The following SH2D3A variants were observed in gnomAD, a reference collection of about 807,000 sequenced individuals.
SH2D3A encodes the protein SH2 domain-containing protein 3A.
In SH2D3A, 46 loss-of-function variants were observed where a neutral mutation model predicts 50.6. That is an observed-to-expected ratio of 0.91 (90% CI 0.72 to 1.16). The LOEUF is 1.16. SH2D3A is among the 50% of genes most tolerant of loss of function. The pLI is 0.00. For synonymous variants in SH2D3A, 377 were observed against 348.4 expected (o/e 1.08, Z -0.91); for missense variants, 783 against 786.2 (o/e 1.00, Z 0.05).
chr19:6,765,067 G>T (rs1260585683), intron 1 of SH2D3A, among the ~76,000 whole-genome samples: 1 of 151,692 alleles, frequency 6.6e-6, no homozygotes, highest in African/African-American at 2.4e-5. Context: ...TTTTAATAGA[G>T]ATGGGGTTTC....
chr19:6,753,848 G>T (rs1426388083), intron 8 of SH2D3A, among the ~76,000 whole-genome samples: 1 of 152,136 alleles, frequency 6.6e-6, no homozygotes, highest in Non-Finnish European at 1.5e-5. Flanking sequence ...ACCAAGGCTG[G>T]TGGGGGCGTG....
At chr19:6,767,120 G>A (rs1568272781) in intron 1 of SH2D3A, among the ~76,000 whole-genome samples, 1 of 152,122 alleles carries the variant, frequency 6.6e-6, no homozygotes, top group Non-Finnish European at 1.5e-5. Context: ...AAGTGAAGGA[G>A]GGGCCCGATC....
chr19:6,760,676 G>T lies in SH2D3A; in HGVS notation c.381C>A (p.Asp127Glu). The T allele has an allele frequency of 1.2e-6, 2 of 1,606,622 alleles. No individual in the cohort carries two copies. The highest frequency in any genetic ancestry group is 1.7e-6 in the Non-Finnish European group (2 of 1,174,996). ...QGPLRRSFSE[D>E]TLMDGPARIE... ...TCCGAGCTGGGCCATCCATCAGGGT[G>T]TCCTCGCTAAAGCTGCGTCGCAGAG... Residue 127 changes from aspartate to glutamate, a missense_variant, in exon 3 of 10, where the codon GAC becomes GAA. Coordinates refer to ENST00000245908, the MANE Select transcript of SH2D3A (RefSeq NM_005490.3).
intron 4 of SH2D3A, 88 bp from the exon 5 acceptor site, chr19:6,755,403 C>T: frequency 3.3e-6 from 3 of 897,158 alleles, no homozygotes; most frequent in Non-Finnish European, 4.9e-6. Context: ...CTACCACCCA[C>T]CTGATCCATC....
chr19:6,753,832 G>C (rs1969476707), intron 8 of SH2D3A, among the ~76,000 whole-genome samples, 191 bp from the exon 9 acceptor site: 2 of 151,904 alleles, frequency 1.3e-5, no homozygotes, highest in African/African-American at 4.8e-5. Context: ...AGGGAAAGGG[G>C]CTGGGACCAA....
intron 2 of SH2D3A, among the ~76,000 whole-genome samples, chr19:6,763,076 A>T (rs1970117310): frequency 6.6e-6 from 1 of 151,748 alleles, no homozygotes; most frequent in Admixed American, 6.6e-5. Flanking sequence ...TTATTTATTT[A>T]TGTTTTTGAC....
Position 6,759,665 on chromosome 19 carries a change from C to G in SH2D3A, c.425G>C (p.Arg142Thr), listed in dbSNP as rs142658713. Residue 142 changes from arginine (R) to threonine (T), a missense_variant, in exon 4 of 10, where the codon AGG (arginine) becomes ACG (threonine). Physicochemically the swap from Arg to Thr is moderately conservative, Grantham distance 71 (BLOSUM62 -1). Transcript: ENST00000245908. Reference sequence around the variant, plus strand: ...TGCAGGCTGACTGTTGCTCCACTTCCTTGCCCTGGGGGACAGAAGTGGGAG... The same window carrying G: ...TGCAGGCTGACTGTTGCTCCACTTCGTTGCCCTGGGGGACAGAAGTGGGAG... ...GPARIEPLRA[R>T]KWSNSQPADL... is the part of the protein sequence containing the mutation. The G allele has an allele frequency of 2.9e-4, 461 of 1,613,774 alleles. 1 individual carries two copies. Among genetic ancestry groups the G allele is most frequent in the Middle Eastern group, 1.2e-3 (7 of 6,062 alleles).
rs1214639043 is a variant in SH2D3A, at chr19:6,754,320, C to T, written c.1203G>A (p.Ala401=). 1 of 1,569,334 alleles carries T rather than the reference C, an allele frequency of 6.4e-7. No individual in the cohort carries two copies. Among genetic ancestry groups the T allele is most frequent in the Non-Finnish European group, 8.6e-7 (1 of 1,164,036 alleles). ...ALRGLVELAL[A]LRPGAAGDLP... ...GGTCCCCCGCCGCCCCTGGCCGCAGCGCCAGCGCCAGCTCTACCAGTCCCC... is the reference window on the plus strand; with the variant it reads ...GGTCCCCCGCCGCCCCTGGCCGCAGTGCCAGCGCCAGCTCTACCAGTCCCC... The change falls in exon 7 of 10, where the codon GCG becomes GCA. Residue 401 remains alanine (A), a synonymous_variant. Transcript: ENST00000245908.
rs1206196492 is a variant in SH2D3A at position 6,753,953 on chromosome 19, G to A, written c.1384+99C>T. 8 of 1,382,916 alleles carry A rather than the reference G, an allele frequency of 5.8e-6. No individual in the cohort carries two copies. The African/African-American group carries it at 7.3e-5, about 13-fold the overall frequency. 85.7% of individuals were successfully genotyped at this position (1,382,916 alleles called of 1,614,324 possible). On this transcript the variant is annotated intron_variant, in intron 8 of 9. Transcript: ENST00000245908. Reference sequence around the variant, plus strand: ...GCGGGGCCTATGGTGAAGGGACCGGGCCTAGAACAGATGCAGGGACTGGGC... The same window carrying A: ...GCGGGGCCTATGGTGAAGGGACCGGACCTAGAACAGATGCAGGGACTGGGC...
chr19:6,761,178 T>C (rs1969996897), intron 2 of SH2D3A, 191 bp from the exon 3 acceptor site: 1 of 581,034 alleles, frequency 1.7e-6, no homozygotes, highest in Admixed American at 3.1e-5. Context: ...TAGACTACAT[T>C]TCCCAGGTTC....
Position 6,754,761 on chromosome 19 carries a change from AGC to A in SH2D3A, c.982-32_982-31del, listed in dbSNP as rs767353444. Reference sequence around the variant, plus strand: ...AGAAGGGAATGGGGAAGTCAGGTGAAGCGTGATTATGTAGGCATGGTTGGGTC... The same window carrying A: ...AGAAGGGAATGGGGAAGTCAGGTGAAGTGATTATGTAGGCATGGTTGGGTC... On this transcript the variant is annotated intron_variant, in intron 5 of 9. Transcript: ENST00000245908. 4.5e-5 allele frequency: 73 copies of A among 1,613,806 alleles called. No homozygotes were observed. In the African/African-American group the frequency reaches 9.2e-4, roughly 20 times the overall value.
At chr19:6,756,502 T>C (rs1969689149) in intron 4 of SH2D3A, among the ~76,000 whole-genome samples, 1 of 152,090 alleles carries the variant, frequency 6.6e-6, no homozygotes, top group African/African-American at 2.4e-5. Flanking sequence ...GTTCAGTATC[T>C]GTGTGCCATG....
At position 6,752,366 on chromosome 19, in the gene SH2D3A, G is replaced by A; in HGVS notation, c.*227C>T. On this transcript the variant is annotated 3_prime_UTR_variant, in exon 10 of 10. Coordinates refer to ENST00000245908, the MANE Select transcript of SH2D3A (RefSeq NM_005490.3). ...GGTGAAGTCAACTGCTAGAAATCAC[G>A]GCTTTTAAGAGGTGGAGTCACATTT... 2.5e-6 allele frequency: 1 copy of A among 399,002 alleles called. No individual in the cohort carries two copies. The highest frequency in any genetic ancestry group is 4.4e-6 in the Non-Finnish European group (1 of 226,648). 24.7% of individuals were successfully genotyped at this position (399,002 alleles called of 1,614,324 possible).
chr19:6,765,434 C>T (rs185576468), intron 1 of SH2D3A, among the ~76,000 whole-genome samples: 2 of 151,942 alleles, frequency 1.3e-5, no homozygotes, highest in Non-Finnish European at 2.9e-5. Context: ...CAGATCTAAC[C>T]CCTATTCTTT....
intron 1 of SH2D3A, among the ~76,000 whole-genome samples, chr19:6,765,947 C>T (rs1970284974): frequency 6.6e-6 from 1 of 152,136 alleles, no homozygotes; most frequent in Non-Finnish European, 1.5e-5. Context: ...GCCTCAGGGC[C>T]AGTGTGTCTC....
rs1169626917 is a variant in SH2D3A at position 6,755,170 on chromosome 19, G to T, written c.642C>A (p.Pro214=). Residue 214 remains proline, a synonymous_variant, in exon 5 of 10, where the codon CCC becomes CCA. Coordinates refer to ENST00000245908, the MANE Select transcript of SH2D3A (RefSeq NM_005490.3). ...QLQAKAPTKP[P]RTPSFELPDA... is the part of the protein sequence containing the mutation. ...CAGGCAGTTCGAAGGAGGGTGTCCG[G>T]GGGGGCTTCGTTGGTGCCTTGGCTT... 7.5e-6 allele frequency: 12 copies of T among 1,602,254 alleles called. No individual in the cohort carries two copies. Among genetic ancestry groups the T allele is most frequent in the Non-Finnish European group, 1.0e-5 (12 of 1,172,382 alleles).
At position 6,759,642 on chromosome 19, in the gene SH2D3A, C is replaced by T. The variant is rs774782123; in HGVS notation, c.448G>A (p.Ala150Thr). 4 of 1,613,904 alleles carry T rather than the reference C, an allele frequency of 2.5e-6. No homozygotes were observed. The South Asian group carries it at 4.4e-5, about 18-fold the overall frequency. ...GACCGCCCCATATGTGCCAAATCTG[C>T]AGGCTGACTGTTGCTCCACTTCCTT... Reference protein sequence around the residue: ...RARKWSNSQPADLAHMGRSRE... With the variant: ...RARKWSNSQPTDLAHMGRSRE... The change falls in exon 4 of 10, where the codon GCA becomes ACA. Residue 150 changes from alanine (A) to threonine (T), a missense_variant. Transcript: ENST00000245908.
intron 4 of SH2D3A, among the ~76,000 whole-genome samples, chr19:6,756,058 A>G (rs1411239414): frequency 1.3e-5 from 2 of 150,440 alleles, no homozygotes; most frequent in Non-Finnish European, 3.0e-5. Flanking sequence ...ATGACAGAGT[A>G]AGACCCTGTC....
At chr19:6,763,003 G>C (rs1970113783) in intron 2 of SH2D3A, among the ~76,000 whole-genome samples, 1 of 152,106 alleles carries the variant, frequency 6.6e-6, no homozygotes, top group Non-Finnish European at 1.5e-5. Flanking sequence ...CAGGGTCCCA[G>C]AATTTTTGGG....
Sources: gnomAD v4.1 joint callset for allele counts (sites outside exome capture counted in the v4.1 genomes callset) on GRCh38, gnomAD v4.1.1 for gene constraint, MANE v1.5 for transcripts, NCBI Gene and HGNC (gene_info 2026-07-23, HGNC 2026-07-21) for gene names.